TTN: variants seen among roughly 807,000 people sequenced by gnomAD.
The protein encoded by TTN is titin.
A neutral mutation model predicts 3,223.0 loss-of-function variants in TTN; 1,525 were observed. That is an observed-to-expected ratio of 0.47 (90% confidence interval 0.45 to 0.49). The LOEUF is 0.49. Ranked by LOEUF, TTN falls within the 20% of genes least tolerant of loss-of-function variation. The pLI is 0.00. For missense variants in TTN, 40,786 were observed against 43,424.0 expected, an observed-to-expected ratio of 0.94 and a Z score of 5.40; for synonymous variants, 14,094 against 15,161.0, an observed-to-expected ratio of 0.93 and a Z score of 5.17.
chr2:178,799,968 G>T (rs2093979010), intron 4 of TTN, 58 bp from the exon 5 acceptor site: 3 of 1,558,232 alleles, frequency 1.9e-6, no homozygotes, highest in Non-Finnish European at 2.7e-6. Flanking sequence ...TTTTAAAAGA[G>T]ATTCTGTTAA....
Position 178,745,869 on chromosome 2 carries a change from C to A in TTN, c.11312-3948G>T, listed in dbSNP as rs794729307. 3 of 1,612,604 alleles carry A rather than the reference C, an allele frequency of 1.9e-6. No individual in the cohort carries two copies. The highest frequency in any genetic ancestry group is 2.5e-6 in the Non-Finnish European group (3 of 1,179,186). ...CCTTTGATAAACCTGGGAGGCCCTT[C>A]CACCACCTGAAATTCAAAAAAACTG... On this transcript the variant is annotated intron_variant, in intron 47 of 362. Transcript: ENST00000589042.
chr2:178,759,048 A>C lies in TTN; in HGVS notation c.10239T>G (p.Thr3413=). The C allele has an allele frequency of 6.2e-7, 1 of 1,614,036 alleles. No homozygotes were observed. Among genetic ancestry groups the C allele is most frequent in the Non-Finnish European group, 8.5e-7 (1 of 1,179,954 alleles). Residue 3413 remains threonine, a synonymous_variant, in exon 44 of 363, where the codon ACT becomes ACG. Transcript: ENST00000589042. ...CAGCATTACTAGCAACAAACGTGTA[A>C]GTTCCTTCATCTTCTGGATAAGCTT... ...IAEAYPEDEG[T]YTFVASNAVG...
chr2:178,718,670 G>A (rs772008815), intron 84 of TTN, 25 bp downstream of exon 84: 2 of 1,609,732 alleles, frequency 1.2e-6, no homozygotes, highest in Non-Finnish European at 1.7e-6. Context: ...TTTAAAAGAT[G>A]TATATATTGG....
At position 178,770,679 on chromosome 2, in the gene TTN, A is replaced by C; in HGVS notation, c.8117-4T>G. ...AGAGTCTTCTTAATTTTGACAGCTA[A>C]AGACAAATTTATGATTGGGTTAGAA... On this transcript the variant is annotated splice_polypyrimidine_tract_variant and splice_region_variant and intron_variant, in intron 34 of 362. Transcript: ENST00000589042. The C allele has an allele frequency of 1.9e-6, 3 of 1,609,950 alleles. No homozygotes were observed. The East Asian group carries it at 6.7e-5, about 36-fold the overall frequency.
chr2:178,633,389 A>G, intron 232 of TTN, 24 bp downstream of exon 232: 1 of 1,613,184 alleles, frequency 6.2e-7, no homozygotes, highest in Middle Eastern at 1.7e-4. Context: ...GATAGGGTAA[A>G]TTTTACATTG....
At chr2:178,617,613 A>C in intron 253 of TTN, 101 bp from the exon 254 acceptor site, 3 of 1,404,862 alleles carry the variant, frequency 2.1e-6, no homozygotes, top group Non-Finnish European at 2.9e-6. Context: ...CAGGTTTATC[A>C]AATTCACTAA....
rs772408269 is a variant in TTN, at chr2:178,552,847, G to C, written c.90053C>G (p.Pro30018Arg). The change falls in exon 335 of 363, where the codon CCC becomes CGC. Residue 30018 changes from proline to arginine, a missense_variant. Pro to Arg is a moderately radical substitution (Grantham distance 103, BLOSUM62 -2). Transcript: ENST00000589042. ...CTTCACTGGCTCTGTAGTTTCACAGGGTTCCCCAATTCCAATTTCATTTTC... is the reference window on the plus strand; with the variant it reads ...CTTCACTGGCTCTGTAGTTTCACAGCGTTCCCCAATTCCAATTTCATTTTC... ...LAENEIGIGEPCETTEPVKAA... is the reference protein window; with the variant it reads ...LAENEIGIGERCETTEPVKAA... 7 of 1,613,734 alleles carry C rather than the reference G, an allele frequency of 4.3e-6. No individual in the cohort carries two copies. The highest frequency in any genetic ancestry group is 5.9e-6 in the Non-Finnish European group (7 of 1,179,802).
rs368328651 is a variant in TTN at position 178,748,333 on chromosome 2, C to G, written c.11311+4791G>C. The G allele has an allele frequency of 1.9e-6, 3 of 1,612,852 alleles. No individual in the cohort carries two copies. The African/African-American group carries it at 4.0e-5, about 22-fold the overall frequency. On this transcript the variant is annotated intron_variant, in intron 47 of 362. Transcript: ENST00000589042. ...TGGAATTTTCATCAATACTACTTTT[C>G]TCCACCATAGTTCTATTTGAAAGCT...
At position 178,629,325 on chromosome 2, in the gene TTN, C is replaced by G; in HGVS notation, c.44400G>C (p.Gly14800=). Residue 14800 remains glycine, a synonymous_variant, in exon 240 of 363, where the codon GGG becomes GGC. Coordinates refer to ENST00000589042, the MANE Select transcript of TTN (RefSeq NM_001267550.2). ...EDIPVEWYLK[G]KKLEPSDKVV... ...CCTTATCGCTGGGCTCTAGTTTCTT[C>G]CCTTTGAGATACCATTCCACTGGGA... The G allele has an allele frequency of 6.2e-7, 1 of 1,612,772 alleles. No individual in the cohort carries two copies. Among genetic ancestry groups the G allele is most frequent in the Non-Finnish European group, 8.5e-7 (1 of 1,179,230 alleles).
rs377748909 is a variant in TTN, at chr2:178,724,276, A to C, written c.21099T>G (p.Ala7033=). The change falls in exon 72 of 363, where the codon GCT becomes GCG. Residue 7033 remains alanine (A), a synonymous_variant. Transcript: ENST00000589042. ...QNNVGKSSCT[A]VVDVSDRAVP... ...AGAACTAACCTGAAACATCAACCACAGCTGTGCAGCTGCTTTTCCCAACAT... is the reference window on the plus strand; with the variant it reads ...AGAACTAACCTGAAACATCAACCACCGCTGTGCAGCTGCTTTTCCCAACAT... 3.1e-6 allele frequency: 5 copies of C among 1,613,080 alleles called. No individual in the cohort carries two copies. The African/African-American group carries it at 6.7e-5, about 22-fold the overall frequency.
rs1199697682 is a variant in TTN, at chr2:178,724,252, G to A, written c.21115+8C>T. ...CATAAGCAACCAGAAGAAAACAGCA[G>A]AACTAACCTGAAACATCAACCACAG... On this transcript the variant is annotated splice_region_variant and intron_variant, in intron 72 of 362. Coordinates refer to ENST00000589042, the MANE Select transcript of TTN (RefSeq NM_001267550.2). 3 of 1,609,824 alleles carry A rather than the reference G, an allele frequency of 1.9e-6. No individual in the cohort carries two copies. The Admixed American group carries it at 5.0e-5, about 27-fold the overall frequency.
At position 178,573,445 on chromosome 2, in the gene TTN, A is replaced by G; in HGVS notation, c.72687T>C (p.Pro24229=). 1 of 1,517,780 alleles carries G rather than the reference A, an allele frequency of 6.6e-7. No individual in the cohort carries two copies. The highest frequency in any genetic ancestry group is 8.8e-7 in the Non-Finnish European group (1 of 1,136,176). 94.0% of individuals were successfully genotyped at this position (1,517,780 alleles called of 1,614,324 possible). The change falls in exon 326 of 363, where the codon CCT becomes CCC. Residue 24229 remains proline, a synonymous_variant. Transcript: ENST00000589042. The stretch of plus-strand genomic sequence containing the variant: ...AATCTTTAGTAATAGTTGTCACTTC[A>G]GGGTTTTTGGGCGGATCAGGGGGTC... ...PYGPPDPPKN[P]EVTTITKDSM... is the part of the protein sequence containing the mutation.
intron 9 of TTN, 108 bp downstream of exon 9, chr2:178,793,296 G>A: frequency 6.8e-7 from 1 of 1,476,244 alleles, no homozygotes; most frequent in Middle Eastern, 1.8e-4. Context: ...TTATTAGTAT[G>A]CTAACAACCA....
intron 18 of TTN, 56 bp downstream of exon 18, chr2:178,782,750 G>A: frequency 1.2e-6 from 2 of 1,611,576 alleles, no homozygotes; most frequent in Non-Finnish European, 1.7e-6. Context: ...GTGGAAAAGA[G>A]TGTCAGATGA....
In TTN at chr2:178,584,542, T is replaced by C. The variant is rs1380994472; in HGVS notation, c.65009A>G (p.Lys21670Arg). 3 of 1,612,698 alleles carry C rather than the reference T, an allele frequency of 1.9e-6. No individual in the cohort carries two copies. In the African/African-American group the frequency reaches 4.0e-5, roughly 22 times the overall value. The change falls in exon 311 of 363, where the codon AAA becomes AGA. Residue 21670 changes from lysine (K) to arginine (R), a missense_variant. By Grantham distance (26) the Lys-to-Arg change is conservative. Coordinates refer to ENST00000589042, the MANE Select transcript of TTN (RefSeq NM_001267550.2). ...AACAAAAATACAGTCCTTGTTGACT[T>C]TGGTGACTCGTGCATTCTTTGGTTC... The part of the protein sequence containing the change: ...PSEPKNARVT[K>R]VNKDCIFVAW...
rs1338951153 is a variant in TTN at position 178,529,014 on chromosome 2, T to G, written c.106737A>C (p.Ser35579=). 1 of 1,613,924 alleles carries G rather than the reference T, an allele frequency of 6.2e-7. No individual in the cohort carries two copies. Among genetic ancestry groups the G allele is most frequent in the Non-Finnish European group, 8.5e-7 (1 of 1,179,896 alleles). ...KVLISEEVKK[S]AATSLEKSIV... is the part of the protein sequence containing the mutation. ...TGGATTTTTCCAGGGAGGTTGCTGC[T>G]GATTTCTTGACTTCTTCAGAAATCA... Residue 35579 remains serine (S), a synonymous_variant, in exon 360 of 363, where the codon TCA becomes TCC. Transcript: ENST00000589042.
In TTN at chr2:178,533,705, C is replaced by T. The variant is rs1690185819; in HGVS notation, c.102910G>A (p.Asp34304Asn). The change falls in exon 358 of 363, where the codon GAC (aspartate) becomes AAC (asparagine). Residue 34304 changes from aspartate (D) to asparagine (N), a missense_variant. Asp to Asn is a conservative substitution (Grantham distance 23). Transcript: ENST00000589042. ...SGQKIKPGDN[D>N]KKYTFESDKG... Reference sequence around the variant, plus strand: ...TCTGACTCAAATGTGTACTTCTTGTCATTGTCACCTGGTTTGATTTTCTGA... The same window carrying T: ...TCTGACTCAAATGTGTACTTCTTGTTATTGTCACCTGGTTTGATTTTCTGA... 6.2e-7 allele frequency: 1 copy of T among 1,613,804 alleles called. No individual in the cohort carries two copies. Among genetic ancestry groups the T allele is most frequent in the Non-Finnish European group, 8.5e-7 (1 of 1,179,864 alleles).
In TTN at chr2:178,765,896, C is replaced by G. The variant is rs561816518; in HGVS notation, c.9703+485G>C. Among the ~76,000 whole-genome samples, 166 of 152,214 alleles carry G rather than the reference C, an allele frequency of 1.1e-3. 1 individual carries two copies. The highest frequency in any genetic ancestry group is 3.9e-3 in the African/African-American group (161 of 41,554). On this transcript the variant is annotated intron_variant, in intron 41 of 362. Coordinates refer to ENST00000589042, the MANE Select transcript of TTN (RefSeq NM_001267550.2). ...AAAGTAAGAGCCCCTGTTCTTAGAG[C>G]TTGGGGTAGAGAGGATCGAGTTCCA...
chr2:178,773,401 T>C, intron 32 of TTN, 32 bp from the exon 33 acceptor site: 1 of 1,613,964 alleles, frequency 6.2e-7, no homozygotes, highest in South Asian at 1.1e-5. Flanking sequence ...CTCTTGGTTA[T>C]TGTTACACTG....
Sources: gnomAD v4.1 joint callset for allele counts (sites outside exome capture counted in the v4.1 genomes callset) on GRCh38, gnomAD v4.1.1 for gene constraint, MANE v1.5 for transcripts, NCBI Gene and HGNC (gene_info 2026-07-23, HGNC 2026-07-21) for gene names.